SYCP2L: variants seen among roughly 807,000 people sequenced by gnomAD.
The protein encoded by SYCP2L is synaptonemal complex protein 2-like.
A neutral mutation model predicts 125.8 loss-of-function variants in SYCP2L; 98 were observed. The observed-to-expected ratio is 0.78, with a 90% confidence interval of 0.66 to 0.92. The LOEUF (loss-of-function observed/expected upper bound fraction) is 0.92, where lower values mean the gene tolerates loss of function less well. Ranked by LOEUF, SYCP2L falls within the 40% of genes least tolerant of loss-of-function variation. SYCP2L has a pLI of 0.00. For missense variants in SYCP2L, 842 were observed against 936.4 expected, an observed-to-expected ratio of 0.90 and a Z score of 1.32; for synonymous variants, 317 against 325.4, an observed-to-expected ratio of 0.97 and a Z score of 0.28.
At chr6:10,928,842 A>G (rs906092401) in intron 18 of SYCP2L, among the ~76,000 whole-genome samples, 1 of 151,008 alleles carries the variant, frequency 6.6e-6, no homozygotes, top group Non-Finnish European at 1.5e-5. Flanking sequence ...CCCATCAGCC[A>G]TCTGTCAATT....
At chr6:10,959,804 G>T (rs376958305) in intron 26 of SYCP2L, among the ~76,000 whole-genome samples, 1 of 151,522 alleles carries the variant, frequency 6.6e-6, no homozygotes, top group East Asian at 1.9e-4. Context: ...GGGAGGCGGA[G>T]GTTGCGGTGA....
At chr6:10,935,018 A>C in intron 20 of SYCP2L, 40 bp from the exon 21 acceptor site, 1 of 1,506,242 alleles carries the variant, frequency 6.6e-7, no homozygotes, top group Non-Finnish European at 8.9e-7. Flanking sequence ...CTTGTTTTTA[A>C]TTATGAATGT....
chr6:10,935,873 A>G (rs1271238207), intron 21 of SYCP2L, among the ~76,000 whole-genome samples: 2 of 152,184 alleles, frequency 1.3e-5, no homozygotes, highest in African/African-American at 4.8e-5. Context: ...GATGTAAGCC[A>G]ATGGGGTGGC....
At chr6:10,908,872 G>C (rs1581821486) in intron 10 of SYCP2L, among the ~76,000 whole-genome samples, 1 of 152,156 alleles carries the variant, frequency 6.6e-6, no homozygotes, top group East Asian at 1.9e-4. Flanking sequence ...ATTTTGGCAA[G>C]GTAGTTGACT....
At chr6:10,922,443 C>T (rs898812146) in intron 14 of SYCP2L, among the ~76,000 whole-genome samples, 1 of 151,702 alleles carries the variant, frequency 6.6e-6, no homozygotes, top group African/African-American at 2.4e-5. Flanking sequence ...TGCATTGATC[C>T]CACGGCCCAG....
At position 10,961,342 on chromosome 6, in the gene SYCP2L, C is replaced by T; in HGVS notation, c.2293C>T (p.Gln765Ter). Residue 765 changes from glutamine (Q) to a stop codon, truncating the protein, a stop_gained, in exon 27 of 30, where the codon CAA becomes TAA. Coordinates refer to ENST00000283141, the MANE Select transcript of SYCP2L (RefSeq NM_001040274.3). LOFTEE classifies it high-confidence loss of function. ...KLERFQNLVL[Q>*]ELSSLKQDIQ... ...AGAGCGCTTTCAAAATTTGGTTCTT[C>T]AAGAGTTGAGCAGTCTTAAGCAGGA... is the stretch of plus-strand genomic sequence containing the variant. 2 of 1,614,166 alleles carry T rather than the reference C, an allele frequency of 1.2e-6. No individual in the cohort carries two copies. Among genetic ancestry groups the T allele is most frequent in the Non-Finnish European group, 1.7e-6 (2 of 1,180,008 alleles).
intron 21 of SYCP2L, among the ~76,000 whole-genome samples, chr6:10,935,882 G>A (rs1302833732): frequency 6.6e-6 from 1 of 152,158 alleles, no homozygotes; most frequent in Non-Finnish European, 1.5e-5. Flanking sequence ...CAATGGGGTG[G>A]CTGTCTTTCC....
chr6:10,894,271 C>T (rs1248747593), intron 4 of SYCP2L, 67 bp downstream of exon 4: 44 of 1,553,828 alleles, frequency 2.8e-5, no homozygotes, highest in East Asian at 2.3e-5. Flanking sequence ...ATTTAGTTGT[C>T]TAGTTAAGTT....
intron 4 of SYCP2L, among the ~76,000 whole-genome samples, chr6:10,897,528 C>T (rs775994099): frequency 3.5e-4 from 53 of 151,886 alleles, no homozygotes; most frequent in Non-Finnish European, 5.9e-5. Flanking sequence ...CCTCATACCT[C>T]AGCCTCCCAA....
chr6:10,927,433 G>T, intron 17 of SYCP2L, 66 bp downstream of exon 17: 1 of 1,391,692 alleles, frequency 7.2e-7, no homozygotes, highest in South Asian at 1.2e-5. Context: ...GACTACAAAA[G>T]AGAGAAATTT....
chr6:10,889,372 G>A (rs1452644615), intron 1 of SYCP2L, among the ~76,000 whole-genome samples: 1 of 152,066 alleles, frequency 6.6e-6, no homozygotes, highest in Non-Finnish European at 1.5e-5. Flanking sequence ...ATCAAATCAG[G>A]GTAATTATGC....
Position 10,927,353 on chromosome 6 carries a change from G to A in SYCP2L, c.1426G>A (p.Ala476Thr), listed in dbSNP as rs2113350545. 6.2e-7 allele frequency: 1 copy of A among 1,612,968 alleles called. No homozygotes were observed. Among genetic ancestry groups the A allele is most frequent in the Non-Finnish European group, 8.5e-7 (1 of 1,179,434 alleles). ...QSEPPVIGEPASDSHLQPVPP... is the reference protein window; with the variant it reads ...QSEPPVIGEPTSDSHLQPVPP... ...TGAGCCACCTGTTATTGGGGAACCTGCCTCTGATAGTCACGTAGGTTCTTT... is the reference window on the plus strand; with the variant it reads ...TGAGCCACCTGTTATTGGGGAACCTACCTCTGATAGTCACGTAGGTTCTTT... The change falls in exon 17 of 30, where the codon GCC (alanine) becomes ACC (threonine). Residue 476 changes from alanine to threonine, a missense_variant. Physicochemically the swap from Ala to Thr is moderately conservative, Grantham distance 58 (BLOSUM62 0). Transcript: ENST00000283141.
chr6:10,973,565 A>T (rs962319033), intron 29 of SYCP2L, among the ~76,000 whole-genome samples: 2 of 152,182 alleles, frequency 1.3e-5, no homozygotes, highest in African/African-American at 4.8e-5. Context: ...CTGATTGCCA[A>T]TCTGGCTATT....
At chr6:10,910,311 A>G (rs904790252) in intron 11 of SYCP2L, 111 bp downstream of exon 11, 86 of 976,890 alleles carry the variant, frequency 8.8e-5, no homozygotes, top group Admixed American at 1.5e-4. Flanking sequence ...TGGGTACATC[A>G]TTTACAGAGT....
chr6:10,935,768 T>C (rs975889207), intron 21 of SYCP2L, among the ~76,000 whole-genome samples: 2 of 152,182 alleles, frequency 1.3e-5, no homozygotes, highest in Admixed American at 6.5e-5. Flanking sequence ...GTGCTGGGAC[T>C]ACAGGCGTGA....
At chr6:10,944,463 TTC>T (rs1409806067) in intron 23 of SYCP2L, among the ~76,000 whole-genome samples, 1 of 152,190 alleles carries the variant, frequency 6.6e-6, no homozygotes, top group African/African-American at 2.4e-5. Context: ...TGGTCTGTAC[TTC>T]TCTCTCTGTA....
At chr6:10,894,875 G>A (rs905202269) in intron 4 of SYCP2L, among the ~76,000 whole-genome samples, 1 of 152,104 alleles carries the variant, frequency 6.6e-6, no homozygotes, top group African/African-American at 2.4e-5. Flanking sequence ...GAAGTAGGGT[G>A]GAAGGATCAT....
In SYCP2L at chr6:10,888,090, T is replaced by A. The variant is rs1456142257; in HGVS notation, c.9+955T>A. Among the ~76,000 whole-genome samples, 23 of 95,058 alleles carry A rather than the reference T, an allele frequency of 2.4e-4. 1 individual carries two copies. The highest frequency in any genetic ancestry group is 3.4e-4 in the African/African-American group (9 of 26,636). The allele number at this position is 95,058 out of a possible 152,430, so 62.4% of individuals were successfully genotyped here. The stretch of plus-strand genomic sequence containing the variant: ...TCTTTTTTTTTTTTTTTTTTTTTTT[T>A]TTTTTTTTTTTTTTTTTTTTTTTTG... On this transcript the variant is annotated intron_variant, in intron 1 of 29. Transcript: ENST00000283141.
chr6:10,965,692 T>G (rs9468122), intron 29 of SYCP2L, among the ~76,000 whole-genome samples: 9 of 152,108 alleles, frequency 5.9e-5, no homozygotes, highest in Admixed American at 1.3e-4. Context: ...AGGATAATGT[T>G]AGTGCTGCTC....
Sources: gnomAD v4.1 joint callset for allele counts (sites outside exome capture counted in the v4.1 genomes callset) on GRCh38, gnomAD v4.1.1 for gene constraint, MANE v1.5 for transcripts, NCBI Gene and HGNC (gene_info 2026-07-23, HGNC 2026-07-21) for gene names.